Variants in ROBO2 observed in about 807,000 individuals in gnomAD.
ROBO2 encodes roundabout homolog 2.
ROBO2 carries 53 observed loss-of-function variants against 160.8 expected under a neutral mutation model. That is an observed-to-expected ratio of 0.33 (90% CI 0.26 to 0.41). ROBO2 has a LOEUF of 0.41. ROBO2 is among the 10% of genes least tolerant of loss of function. ROBO2 has a pLI of 1.00. For synonymous variants in ROBO2, 664 were observed against 611.7 expected, an observed-to-expected ratio of 1.09 and a Z score of -1.26; for missense variants, 1,577 against 1,722.4, an observed-to-expected ratio of 0.92 and a Z score of 1.49.
At chr3:77,149,061 A>C (rs1470502430) in intron 2 of ROBO2, among the ~76,000 whole-genome samples, 5 of 141,070 alleles carry the variant, frequency 3.5e-5, no homozygotes, top group Non-Finnish European at 6.1e-5. Context: ...TTTTTGAGAC[A>C]GTCTCGCACT....
intron 2 of ROBO2, among the ~76,000 whole-genome samples, chr3:76,666,553 A>G (rs1289511857): frequency 1.3e-5 from 2 of 152,158 alleles, no homozygotes; most frequent in Non-Finnish European, 2.9e-5. Context: ...AAGTCAAATG[A>G]AAACACCAAT....
intron 2 of ROBO2, among the ~76,000 whole-genome samples, chr3:77,178,413 T>G (rs546048859): frequency 1.1e-4 from 17 of 152,158 alleles, no homozygotes; most frequent in Non-Finnish European, 2.4e-4. Flanking sequence ...AAAAGTACTC[T>G]TTCAGTGTGT....
chr3:77,334,401 A>ACAATC (rs2066275670), intron 2 of ROBO2, among the ~76,000 whole-genome samples: 1 of 152,182 alleles, frequency 6.6e-6, no homozygotes, highest in Non-Finnish European at 1.5e-5. Context: ...CTTTCCTCAT[A>ACAATC]CAATCCAATC....
intron 2 of ROBO2, among the ~76,000 whole-genome samples, chr3:76,479,779 T>C (rs2107293221): frequency 6.6e-6 from 1 of 152,308 alleles, no homozygotes. Context: ...AGGAATTCAG[T>C]GACTTGCCCA....
At chr3:76,901,867 T>A (rs2075262294) in intron 2 of ROBO2, among the ~76,000 whole-genome samples, 1 of 152,012 alleles carries the variant, frequency 6.6e-6, no homozygotes, top group African/African-American at 2.4e-5. Flanking sequence ...TTATTTAGTT[T>A]GGTTCAATCC....
intron 2 of ROBO2, among the ~76,000 whole-genome samples, chr3:76,821,208 A>G (rs1177387508): frequency 2.6e-5 from 4 of 151,994 alleles, no homozygotes; most frequent in African/African-American, 9.7e-5. Context: ...TTGTTCTTGC[A>G]TGTGGGACAG....
intron 2 of ROBO2, among the ~76,000 whole-genome samples, chr3:76,938,971 CAAAAAAAAAAAA>C (rs71629626): frequency 1.1e-3 from 121 of 114,592 alleles, no homozygotes; most frequent in Middle Eastern, 5.6e-3. Flanking sequence ...AACTCAGTCT[CAAAAAAAAAAAA>C]AAAAAAAAAA....
Position 76,072,257 on chromosome 3 carries a change from GT to G in ROBO2, c.109+134664del, listed in dbSNP as rs1222566047. ...CCCCCGCAAAAAAAAATCTTTGTTG[GT>G]TTTTTTTTCCTTGAGGCATATCAAA... On this transcript the variant is annotated intron_variant, in intron 2 of 26. Transcript: ENST00000487694. Among the ~76,000 whole-genome samples, 10 of 151,104 alleles carry G rather than the reference GT, an allele frequency of 6.6e-5. No homozygotes were observed. The South Asian group carries it at 1.5e-3, about 22-fold the overall frequency.
intron 2 of ROBO2, among the ~76,000 whole-genome samples, chr3:77,004,652 A>G (rs1017370980): frequency 2.0e-5 from 3 of 152,228 alleles, no homozygotes; most frequent in Non-Finnish European, 4.4e-5. Context: ...AGAGATGTGT[A>G]GCAGAGTCAG....
intron 2 of ROBO2, among the ~76,000 whole-genome samples, chr3:77,150,458 CT>C (rs2077459113): frequency 6.6e-6 from 1 of 152,106 alleles, no homozygotes; most frequent in Non-Finnish European, 1.5e-5. Flanking sequence ...TTTTGGTAAT[CT>C]TTTTACTGCA....
intron 2 of ROBO2, among the ~76,000 whole-genome samples, chr3:75,980,426 T>C (rs1427944214): frequency 6.6e-6 from 1 of 151,532 alleles, no homozygotes; most frequent in Non-Finnish European, 1.5e-5. Flanking sequence ...TATGGCTTTT[T>C]TTTTCTGCTT....
At chr3:76,004,825 A>C (rs1316456807) in intron 2 of ROBO2, among the ~76,000 whole-genome samples, 1 of 152,216 alleles carries the variant, frequency 6.6e-6, no homozygotes, top group Non-Finnish European at 1.5e-5. Context: ...ACACTACTGT[A>C]AACATTTGTC....
At chr3:76,696,956 T>C (rs2092940598) in intron 2 of ROBO2, among the ~76,000 whole-genome samples, 1 of 152,226 alleles carries the variant, frequency 6.6e-6, no homozygotes, top group Non-Finnish European at 1.5e-5. Flanking sequence ...TGTTGTTTAC[T>C]TTTGTACAAC....
chr3:76,863,205 T>G (rs1405413992), intron 2 of ROBO2, among the ~76,000 whole-genome samples: 1 of 152,054 alleles, frequency 6.6e-6, no homozygotes, highest in Non-Finnish European at 1.5e-5. Flanking sequence ...AGTTGTTCAT[T>G]TATTTGTCCC....
At position 76,315,704 on chromosome 3, in the gene ROBO2, T is replaced by TA. The variant is rs561456863; in HGVS notation, c.109+378108dup. On this transcript the variant is annotated intron_variant, in intron 2 of 26. Coordinates refer to the ROBO2 transcript ENST00000487694. ...TGTTTCCCCTAGTTATATGAACTAATAAAAAATTTACTGCCTCATAAAACC... is the reference window on the plus strand; with the variant it reads ...TGTTTCCCCTAGTTATATGAACTAATAAAAAAATTTACTGCCTCATAAAACC... 3.0e-4 allele frequency among the ~76,000 whole-genome samples: 46 copies of TA among 152,322 alleles called. 1 individual carries two copies. The highest frequency in any genetic ancestry group is 1.1e-3 in the African/African-American group (46 of 41,574).
intron 2 of ROBO2, among the ~76,000 whole-genome samples, chr3:76,763,161 A>G (rs956317917): frequency 2.0e-4 from 27 of 132,474 alleles, no homozygotes; most frequent in Admixed American, 1.7e-3. Flanking sequence ...CATTCTTAAC[A>G]TCAATCACGC....
intron 2 of ROBO2, among the ~76,000 whole-genome samples, chr3:76,613,934 C>A (rs977062135): frequency 6.6e-6 from 1 of 151,968 alleles, no homozygotes; most frequent in South Asian, 2.1e-4. Context: ...TGGTTTATTT[C>A]CAGTACCCTT....
At chr3:76,097,725 A>G (rs1379249940) in intron 2 of ROBO2, among the ~76,000 whole-genome samples, 2 of 152,198 alleles carry the variant, frequency 1.3e-5, no homozygotes, top group African/African-American at 4.8e-5. Context: ...GCGAATACAC[A>G]TACACAAGTC....
At chr3:76,635,380 CTT>C (rs1430804524) in intron 2 of ROBO2, among the ~76,000 whole-genome samples, 1 of 152,154 alleles carries the variant, frequency 6.6e-6, no homozygotes, top group East Asian at 1.9e-4. Flanking sequence ...AGAACGCTGA[CTT>C]TTGCTTATAG....
Sources: gnomAD v4.1 joint callset for allele counts (sites outside exome capture counted in the v4.1 genomes callset) on GRCh38, gnomAD v4.1.1 for gene constraint, MANE v1.5 for transcripts, NCBI Gene and HGNC (gene_info 2026-07-23, HGNC 2026-07-21) for gene names.